GARNL3: variants seen among roughly 807,000 people sequenced by gnomAD.
GARNL3 encodes the protein GTPase activating Rap/RanGAP domain like 3.
Under a neutral mutation model 125.0 loss-of-function variants are expected in GARNL3, and 63 were observed. The ratio of observed to expected loss-of-function variants is 0.50; its 90% CI spans 0.41 to 0.62. The LOEUF is 0.62. Ranked by LOEUF, GARNL3 falls within the 20% of genes least tolerant of loss-of-function variation. GARNL3 has a pLI of 0.00. For missense variants in GARNL3, 994 were observed against 1,244.0 expected (o/e 0.80, Z 3.02); for synonymous variants, 439 against 457.5 (o/e 0.96, Z 0.52).
At position 127,336,103 on chromosome 9, in the gene GARNL3, G is replaced by A. The variant is rs377478672; in HGVS notation, c.874-25G>A. 5.3e-6 allele frequency: 8 copies of A among 1,518,216 alleles called. No homozygotes were observed. In the African/African-American group the frequency reaches 8.3e-5, roughly 16 times the overall value. The allele number at this position is 1,518,216 out of a possible 1,614,324, so 94.0% of individuals were successfully genotyped here. On this transcript the variant is annotated intron_variant, in intron 10 of 27. Coordinates refer to ENST00000373387, the MANE Select transcript of GARNL3 (RefSeq NM_032293.5). Reference sequence around the variant, plus strand: ...GTGCCATGTTTGAGAGTCTTTCTCAGTGATGTTATTTATGCTCACTACAGG... The same window carrying A: ...GTGCCATGTTTGAGAGTCTTTCTCAATGATGTTATTTATGCTCACTACAGG...
At chr9:127,296,746 C>T (rs764758807) in intron 2 of GARNL3, among the ~76,000 whole-genome samples, 1 of 151,898 alleles carries the variant, frequency 6.6e-6, no homozygotes, top group Non-Finnish European at 1.5e-5. Context: ...GCTGGGATTA[C>T]AGGCATGAAC....
At chr9:127,261,455 G>A (rs561276304), upstream of GARNL3, among the ~76,000 whole-genome samples, 2 of 138,190 alleles carry the variant, frequency 1.4e-5, no homozygotes, top group Admixed American at 7.4e-5. Flanking sequence ...TTGTTGCCCA[G>A]GCTGGAGTGC....
intron 1 of GARNL3, among the ~76,000 whole-genome samples, chr9:127,234,709 T>C (rs1241680645): frequency 6.6e-6 from 1 of 152,246 alleles, no homozygotes; most frequent in Non-Finnish European, 1.5e-5. Context: ...TTCACACTTC[T>C]GGAGGCTGTA....
At chr9:127,355,254 AC>A (rs1830625205) in intron 19 of GARNL3, 42 bp from the exon 20 acceptor site, 1 of 1,573,916 alleles carries the variant, frequency 6.4e-7, no homozygotes, top group Admixed American at 1.7e-5. Flanking sequence ...GGGCTTCCAC[AC>A]CCGCATGTCA....
chr9:127,321,433 A>G (rs1253304314), intron 6 of GARNL3, among the ~76,000 whole-genome samples: 1 of 152,172 alleles, frequency 6.6e-6, no homozygotes, highest in African/African-American at 2.4e-5. Flanking sequence ...TGTTAAAGAG[A>G]TTTTTAAAAA....
intron 1 of GARNL3, among the ~76,000 whole-genome samples, chr9:127,273,253 C>T (rs560489146): frequency 1.3e-5 from 2 of 152,226 alleles, no homozygotes; most frequent in African/African-American, 2.4e-5. Context: ...TATCTGCCTC[C>T]GAGAGCCCCT....
rs1830796175 is a variant in GARNL3 at position 127,358,291 on chromosome 9, A to AGTTG, written c.2094+915_2094+916insTTGG. 2.0e-5 allele frequency among the ~76,000 whole-genome samples: 3 copies of AGTTG among 152,260 alleles called. No individual in the cohort carries two copies. The South Asian group carries it at 6.2e-4, about 31-fold the overall frequency. ...GCCCACGTATGTATCTCTGTGAGGC[A>AGTTG]GGACAAGGCCTGCTTGTCAGTGAGC... On this transcript the variant is annotated intron_variant, in intron 21 of 27. Coordinates refer to ENST00000373387, the MANE Select transcript of GARNL3 (RefSeq NM_032293.5).
chr9:127,245,922 T>C (rs549981717), intron 2 of GARNL3, among the ~76,000 whole-genome samples: 17 of 152,054 alleles, frequency 1.1e-4, no homozygotes, highest in African/African-American at 3.6e-4. Context: ...GAGAAAAATA[T>C]TTATGGGATG....
rs763785641 is a variant in GARNL3 at position 127,385,039 on chromosome 9, C to T, written c.2282C>T (p.Pro761Leu). 1.9e-6 allele frequency: 3 copies of T among 1,607,838 alleles called. No homozygotes were observed. Among genetic ancestry groups the T allele is most frequent in the African/African-American group, 1.3e-5 (1 of 74,800 alleles). ...QAPYAIVCAF[P>L]YLLAFTTDSM... ...CGTTCCCTTGCAGTCTGTGCTTTCC[C>T]GTATCTCCTGGCCTTCACCACCGAC... Residue 761 changes from proline (P) to leucine (L), a missense_variant, in exon 24 of 28, where the codon CCG (proline) becomes CTG (leucine). Around this residue, in one of 5 missense-constraint regions of GARNL3, gnomAD observed 728 missense variants for 865.7 expected, o/e 0.84. Transcript: ENST00000373387. The surrounding 1 kb of genome is among the most constrained non-coding windows in gnomAD (Gnocchi z 4.1).
At chr9:127,341,933 C>T (rs933956457) in intron 13 of GARNL3, among the ~76,000 whole-genome samples, 2 of 151,972 alleles carry the variant, frequency 1.3e-5, no homozygotes, top group Admixed American at 1.3e-4. Flanking sequence ...AGGTAGCAGC[C>T]GGCGGATCAT....
At chr9:127,337,874 A>G (rs1337322819) in intron 11 of GARNL3, among the ~76,000 whole-genome samples, 2 of 151,982 alleles carry the variant, frequency 1.3e-5, no homozygotes, top group Non-Finnish European at 2.9e-5. Context: ...AGCTTTGGAG[A>G]TTTAAACCTT....
chr9:127,337,286 G>A (rs1186702273), intron 11 of GARNL3, among the ~76,000 whole-genome samples: 1 of 152,174 alleles, frequency 6.6e-6, no homozygotes, highest in Non-Finnish European at 1.5e-5. Flanking sequence ...CAAATTCACA[G>A]TAGAAGCAGT....
At chr9:127,378,552 A>G (rs1281630989) in intron 22 of GARNL3, among the ~76,000 whole-genome samples, 2 of 146,026 alleles carry the variant, frequency 1.4e-5, no homozygotes, top group African/African-American at 2.5e-5. Context: ...GTGCCATTGC[A>G]TTTCAGCCTA....
rs557624482 is a variant in GARNL3, at chr9:127,360,168, CA to C, written c.2094+2792del. On this transcript the variant is annotated intron_variant, in intron 21 of 27. Coordinates refer to ENST00000373387, the MANE Select transcript of GARNL3 (RefSeq NM_032293.5). ...CCTGACGAGTAGCTGGGATTACAGG[CA>C]CAGCCACCATGCCCAGCTAATTTTT... is the stretch of plus-strand genomic sequence containing the variant. Among the ~76,000 whole-genome samples the C allele has an allele frequency of 2.7e-3, 408 of 152,144 alleles. 3 individuals carry two copies. The highest frequency in any genetic ancestry group is 9.2e-3 in the African/African-American group (384 of 41,516).
chr9:127,229,076 G>A (rs553639420), intron 1 of GARNL3, among the ~76,000 whole-genome samples: 12 of 152,220 alleles, frequency 7.9e-5, no homozygotes, highest in African/African-American at 2.6e-4. Flanking sequence ...CACCCGTCTC[G>A]GCCTCCCAAA....
intron 1 of GARNL3, among the ~76,000 whole-genome samples, chr9:127,237,647 T>C (rs1260467837): frequency 2.0e-5 from 3 of 152,180 alleles, no homozygotes; most frequent in African/African-American, 7.2e-5. Flanking sequence ...TCCCTGTACA[T>C]GGGTGTGCTG....
chr9:127,361,237 T>C (rs1275966180), intron 21 of GARNL3, among the ~76,000 whole-genome samples: 1 of 152,048 alleles, frequency 6.6e-6, no homozygotes, highest in African/African-American at 2.4e-5. Context: ...AAAGTACCAA[T>C]AGAATGAACT....
intron 2 of GARNL3, among the ~76,000 whole-genome samples, chr9:127,258,631 C>A (rs185796392): frequency 6.6e-6 from 1 of 152,118 alleles, no homozygotes; most frequent in African/African-American, 2.4e-5. Context: ...AGAGTGAGAC[C>A]CTGTCTCAAA....
intron 7 of GARNL3, 86 bp downstream of exon 7, chr9:127,325,181 G>C (rs1811595808): frequency 3.0e-6 from 4 of 1,318,794 alleles, no homozygotes; most frequent in Non-Finnish European, 2.2e-6. Flanking sequence ...CCCAGCCTTT[G>C]CTTTCAGCCA....
Sources: gnomAD v4.1 joint callset for allele counts (sites outside exome capture counted in the v4.1 genomes callset) on GRCh38, gnomAD v4.1.1 for gene constraint, gnomAD v4.1.1 regional missense constraint, Gnocchi (gnomAD v3.1) non-coding constraint, MANE v1.5 for transcripts, NCBI Gene and HGNC (gene_info 2026-07-23, HGNC 2026-07-21) for gene names.